The following LGSN variants were observed in gnomAD, a reference collection of about 807,000 sequenced individuals.
The protein encoded by LGSN is lengsin, lens protein with glutamine synthetase domain, also known as lengsin.
In LGSN, 21 loss-of-function variants were observed where a neutral mutation model predicts 19.5. The observed-to-expected ratio is 1.07, with a 90% confidence interval of 0.76 to 1.55. The LOEUF (loss-of-function observed/expected upper bound fraction) is 1.55, where lower values mean the gene tolerates loss of function less well. LGSN is among the 40% of genes most tolerant of loss of function. The pLI is 0.00. For synonymous variants in LGSN, 257 were observed against 215.6 expected, an observed-to-expected ratio of 1.19 and a Z score of -1.68; for missense variants, 673 against 608.5, an observed-to-expected ratio of 1.11 and a Z score of -1.12.
At chr6:63,293,709 G>T in intron 2 of LGSN, 1 of 456,384 alleles carries the variant, frequency 2.2e-6, no homozygotes, top group Non-Finnish European at 4.4e-6. Context: ...ATTGGTTGTT[G>T]TTCTGGGGGG....
At chr6:63,562,556 C>T in the LGSN span, among the ~76,000 whole-genome samples, 1 of 152,136 alleles carries the variant, frequency 6.6e-6, no homozygotes, top group Non-Finnish European at 1.5e-5. Flanking sequence ...GTGATATCAC[C>T]CACTATGAGT....
chr6:63,551,877 A>AT, the LGSN span, among the ~76,000 whole-genome samples: 1 of 152,022 alleles, frequency 6.6e-6, no homozygotes, highest in Admixed American at 6.6e-5. Context: ...TGAACTCATC[A>AT]TTTTTTATGG....
the LGSN span, among the ~76,000 whole-genome samples, chr6:63,539,810 A>C: frequency 6.6e-6 from 1 of 152,164 alleles, no homozygotes; most frequent in Admixed American, 6.5e-5. Context: ...GGCAATCTTC[A>C]GAAAAAAACT....
the LGSN span, among the ~76,000 whole-genome samples, chr6:63,498,660 C>G: frequency 6.6e-6 from 1 of 152,100 alleles, no homozygotes. Flanking sequence ...TGAACAAGGA[C>G]AGGACAGTGA....
At chr6:63,531,084 AAGAT>A in the LGSN span, among the ~76,000 whole-genome samples, 2 of 152,178 alleles carry the variant, frequency 1.3e-5, no homozygotes, top group East Asian at 3.8e-4. Flanking sequence ...TGTGTGTCCA[AAGAT>A]AGATCAGGTT....
chr6:63,299,158 A>C (rs1335515708), intron 1 of LGSN, among the ~76,000 whole-genome samples: 2 of 152,208 alleles, frequency 1.3e-5, no homozygotes, highest in African/African-American at 4.8e-5. Context: ...GCTAACTTAA[A>C]AAGACTGCCT....
the LGSN span, chr6:63,480,272 G>A: frequency 2.8e-5 from 6 of 215,884 alleles, no homozygotes; most frequent in African/African-American, 7.0e-5. Flanking sequence ...TCCATTGTCC[G>A]GTAATTTGTG....
chr6:63,552,112 C>T, the LGSN span, among the ~76,000 whole-genome samples: 4,586 of 152,230 alleles, frequency 0.03, 172 homozygotes, highest in African/African-American at 0.09. Context: ...CCTGAGGAAT[C>T]GCCACACTGA....
the LGSN span, among the ~76,000 whole-genome samples, chr6:63,465,525 T>C: frequency 6.6e-6 from 1 of 152,118 alleles, no homozygotes; most frequent in Non-Finnish European, 1.5e-5. Context: ...ATCATTTTAG[T>C]AGCTTGAAGG....
chr6:63,318,013 C>T (rs932069402), intron 1 of LGSN, among the ~76,000 whole-genome samples: 2 of 152,002 alleles, frequency 1.3e-5, no homozygotes, highest in Non-Finnish European at 2.9e-5. Context: ...CAATTTCATA[C>T]ACCCATAGGA....
the LGSN span, among the ~76,000 whole-genome samples, chr6:63,328,651 C>T: frequency 6.6e-6 from 1 of 152,208 alleles, no homozygotes; most frequent in Non-Finnish European, 1.5e-5. Flanking sequence ...TCCCACGAGT[C>T]TGAGTAAGGA....
At chr6:63,473,500 A>C in the LGSN span, among the ~76,000 whole-genome samples, 1 of 141,408 alleles carries the variant, frequency 7.1e-6, no homozygotes, top group African/African-American at 2.5e-5. Context: ...AAAAAAAAAA[A>C]ATCTAGCTCA....
the LGSN span, among the ~76,000 whole-genome samples, chr6:63,500,323 G>T: frequency 1.3e-5 from 2 of 152,188 alleles, no homozygotes; most frequent in African/African-American, 4.8e-5. Context: ...AGAAGGCAAT[G>T]GTCAAGAGCA....
intron 3 of LGSN, 51 bp from the exon 4 acceptor site, chr6:63,281,271 G>T (rs1767300987): frequency 7.5e-7 from 1 of 1,331,734 alleles, no homozygotes; most frequent in African/African-American, 1.6e-5. Flanking sequence ...AAACAAAAGG[G>T]TCGGGGGGCG....
the LGSN span, among the ~76,000 whole-genome samples, chr6:63,361,738 C>T: frequency 6.6e-6 from 1 of 152,260 alleles, no homozygotes; most frequent in South Asian, 2.1e-4. Context: ...CATTCAACTC[C>T]TTCGTCGCTC....
the LGSN span, among the ~76,000 whole-genome samples, chr6:63,510,457 T>C: frequency 1.3e-4 from 20 of 151,182 alleles, no homozygotes; most frequent in Non-Finnish European, 3.0e-4. Context: ...CCTTTCTTTT[T>C]TTTTTTTTTT....
chr6:63,336,440 A>T, the LGSN span, among the ~76,000 whole-genome samples: 288 of 151,670 alleles, frequency 1.9e-3, 1 homozygote, highest in African/African-American at 6.4e-3. Flanking sequence ...TTCAGATGGT[A>T]TTACTAGTTT....
the LGSN span, among the ~76,000 whole-genome samples, chr6:63,376,436 G>T: frequency 6.6e-6 from 1 of 152,246 alleles, no homozygotes; most frequent in East Asian, 1.9e-4. Context: ...AGCTTACAAA[G>T]GGTAAAGATT....
At chr6:63,522,277 G>A in the LGSN span, among the ~76,000 whole-genome samples, 1 of 152,114 alleles carries the variant, frequency 6.6e-6, no homozygotes, top group South Asian at 2.1e-4. Context: ...TTTGAATTTA[G>A]ATGAATTATT....
Sources: gnomAD v4.1 joint callset for allele counts (sites outside exome capture counted in the v4.1 genomes callset) on GRCh38, gnomAD v4.1.1 for gene constraint, MANE v1.5 for transcripts, NCBI Gene and HGNC (gene_info 2026-07-23, HGNC 2026-07-21) for gene names.